The following CTSE variants were observed in gnomAD, a reference collection of about 807,000 sequenced individuals.
CTSE encodes the protein cathepsin E, also known as erythrocyte membrane aspartic proteinase.
CTSE carries 43 observed loss-of-function variants against 42.8 expected under a neutral mutation model. That is an observed-to-expected ratio of 1.01 (90% CI 0.79 to 1.30). The LOEUF is 1.30. Ranked by LOEUF, CTSE falls within the 50% of genes most tolerant of loss-of-function variation. The pLI is 0.00. For missense variants in CTSE, 532 were observed against 493.5 expected (o/e 1.08, Z -0.74); for synonymous variants, 205 against 191.5 (o/e 1.07, Z -0.58).
chr1:206,022,113 C>T (rs782459602), intron 3 of CTSE, 37 bp downstream of exon 3: 12 of 1,454,892 alleles, frequency 8.2e-6, no homozygotes, highest in Non-Finnish European at 1.1e-5. Flanking sequence ...GGACTAGCCC[C>T]CAGACATTCT....
At chr1:206,014,171 C>T in intron 5 of CTSE, 1 of 376,778 alleles carries the variant, frequency 2.7e-6, no homozygotes, top group Non-Finnish European at 4.9e-6. Flanking sequence ...GCCAGCAGGT[C>T]TGTCATTCAG....
Position 206,010,480 on chromosome 1 carries a change from T to C in CTSE, c.1027-133A>G, listed in dbSNP as rs1661062089. 6.7e-6 allele frequency: 5 copies of C among 744,490 alleles called. No individual in the cohort carries two copies. The South Asian group carries it at 8.0e-5, about 12-fold the overall frequency. 46.1% of individuals were successfully genotyped at this position (744,490 alleles called of 1,614,324 possible). ...CAGCTGGTGGGTTCCACCATTTTGGTCGGTGGGTTCTTCCTCCTGCTTCAT... is the reference window on the plus strand; with the variant it reads ...CAGCTGGTGGGTTCCACCATTTTGGCCGGTGGGTTCTTCCTCCTGCTTCAT... On this transcript the variant is annotated intron_variant, in intron 8 of 8. Coordinates refer to ENST00000358184, the MANE Select transcript of CTSE (RefSeq NM_001910.4).
At chr1:206,014,181 G>A (rs1164793570) in intron 5 of CTSE, 1 of 360,858 alleles carries the variant, frequency 2.8e-6, no homozygotes. Flanking sequence ...CTGTCATTCA[G>A]AACCAAGGCC....
intron 8 of CTSE, 106 bp downstream of exon 8, chr1:206,012,202 G>T: frequency 1.2e-6 from 1 of 866,208 alleles, no homozygotes; most frequent in Non-Finnish European, 1.8e-6. Context: ...ACAACGTGGG[G>T]CGGGGCTTAG....
At chr1:206,012,181 A>C (rs1057054869) in intron 8 of CTSE, 127 bp downstream of exon 8, 12 of 733,168 alleles carry the variant, frequency 1.6e-5, no homozygotes, top group Non-Finnish European at 2.3e-5. Context: ...GGAATGCCAC[A>C]TGAGAGCAGA....
chr1:206,009,998 AGTGT>A lies in CTSE; in HGVS notation c.*181_*184del. 5.1e-6 allele frequency: 3 copies of A among 587,008 alleles called. No homozygotes were observed. Among genetic ancestry groups the A allele is most frequent in the Non-Finnish European group, 6.1e-6 (2 of 329,912 alleles). 36.4% of individuals were successfully genotyped at this position (587,008 alleles called of 1,614,324 possible). A position where few individuals can be genotyped will look rare whatever the true frequency, so the allele number is the denominator to read the frequency against. On this transcript the variant is annotated 3_prime_UTR_variant, in exon 9 of 9. Transcript: ENST00000358184. Reference sequence around the variant, plus strand: ...TGGTGGGAGTGGTGTGTATGTGTGAAGTGTGTGTGTGTGTATATGTGTGTGTGTG... The same window carrying A: ...TGGTGGGAGTGGTGTGTATGTGTGAAGTGTGTGTGTATATGTGTGTGTGTG...
chr1:206,022,587 GA>G (rs1661472416), intron 2 of CTSE, among the ~76,000 whole-genome samples: 1 of 152,060 alleles, frequency 6.6e-6, no homozygotes, highest in Admixed American at 6.5e-5. Flanking sequence ...GGGGCTGGGA[GA>G]GGTTAAGTAA....
chr1:206,011,792 T>C (rs921871866), intron 8 of CTSE, among the ~76,000 whole-genome samples: 2 of 152,050 alleles, frequency 1.3e-5, no homozygotes, highest in African/African-American at 4.8e-5. Flanking sequence ...GTCTGGGAGT[T>C]CCCTTTCTAC....
intron 8 of CTSE, among the ~76,000 whole-genome samples, chr1:206,010,765 A>G (rs1402697247): frequency 6.6e-6 from 1 of 152,078 alleles, no homozygotes; most frequent in Non-Finnish European, 1.5e-5. Context: ...TAAGGGAGAG[A>G]AAGAACTGTG....
chr1:206,016,175 G>C (rs782138391), intron 4 of CTSE, 45 bp from the exon 5 acceptor site: 3 of 1,572,204 alleles, frequency 1.9e-6, no homozygotes, highest in Non-Finnish European at 8.7e-7. Flanking sequence ...TGGCACAGGG[G>C]ATTGCTGGCA....
chr1:206,022,188 A>T lies in CTSE; in HGVS notation c.305T>A (p.Leu102His), dbSNP rs1661457670. Residue 102 changes from leucine to histidine, a missense_variant, in exon 3 of 9, where the codon CTC (leucine) becomes CAC (histidine). Transcript: ENST00000358184. ...AGTGCAGTACACAGAGGGGACCCAG[A>T]GGTTGGAGGAGCCAGTGTCGAAGAT... is the stretch of plus-strand genomic sequence containing the variant. ...TVIFDTGSSN[L>H]WVPSVYCTSP... The T allele has an allele frequency of 6.2e-7, 1 of 1,612,572 alleles. No homozygotes were observed. Among genetic ancestry groups the T allele is most frequent in the Non-Finnish European group, 8.5e-7 (1 of 1,178,976 alleles).
At chr1:206,014,973 C>T (rs1661222166) in intron 5 of CTSE, among the ~76,000 whole-genome samples, 1 of 151,980 alleles carries the variant, frequency 6.6e-6, no homozygotes, top group Admixed American at 6.6e-5. Context: ...AGTGTGAACG[C>T]AGGCCAGGTC....
At chr1:206,016,732 A>G (rs907496844) in intron 4 of CTSE, among the ~76,000 whole-genome samples, 5 of 152,100 alleles carry the variant, frequency 3.3e-5, no homozygotes, top group African/African-American at 1.2e-4. Context: ...GTTCAACGCA[A>G]GTCAGATGAC....
intron 1 of CTSE, among the ~76,000 whole-genome samples, 193 bp downstream of exon 1, chr1:206,023,531 A>C (rs1474016383): frequency 6.6e-6 from 1 of 151,894 alleles, no homozygotes; most frequent in Non-Finnish European, 1.5e-5. Flanking sequence ...TGGAGGCAGG[A>C]GGATGACTTG....
chr1:206,019,680 A>G (rs1661356410), intron 4 of CTSE, among the ~76,000 whole-genome samples: 1 of 147,986 alleles, frequency 6.8e-6, no homozygotes, highest in Non-Finnish European at 1.5e-5. Context: ...ACTTTTATAT[A>G]TATATTATAT....
At chr1:206,015,781 T>C in intron 5 of CTSE, 150 bp downstream of exon 5, 1 of 672,856 alleles carries the variant, frequency 1.5e-6, no homozygotes, top group Non-Finnish European at 2.5e-6. Flanking sequence ...TTCCTCAATA[T>C]TCAGAGAGGT....
Position 206,021,085 on chromosome 1 carries a change from C to G in CTSE, c.426G>C (p.Gly142=). 1 of 1,613,482 alleles carries G rather than the reference C, an allele frequency of 6.2e-7. No individual in the cohort carries two copies. The highest frequency in any genetic ancestry group is 8.5e-7 in the Non-Finnish European group (1 of 1,179,462). ...CGGCTCCAATGATCCCGGACAAGCT[C>G]CCGGTTCCATACTGAATGGAGAAAG... ...GQSFSIQYGT[G]SLSGIIGADQ... is the part of the protein sequence containing the mutation. The change falls in exon 4 of 9, where the codon GGG becomes GGC. Residue 142 remains glycine (G), a synonymous_variant. Transcript: ENST00000358184.
chr1:206,022,082 A>G (rs1421110834), intron 3 of CTSE, 68 bp downstream of exon 3: 6 of 1,054,722 alleles, frequency 5.7e-6, no homozygotes, highest in Non-Finnish European at 6.8e-6. Flanking sequence ...CCTTCCCCAG[A>G]GTACCAGGCT....
intron 6 of CTSE, among the ~76,000 whole-genome samples, chr1:206,013,026 C>T (rs1238737552): frequency 6.6e-6 from 1 of 152,036 alleles, no homozygotes; most frequent in Non-Finnish European, 1.5e-5. Context: ...TGTCATGACC[C>T]ATAAATAGGT....
Sources: allele counts gnomAD v4.1 joint callset (sites outside exome capture counted in the v4.1 genomes callset), GRCh38; gene constraint gnomAD v4.1.1; transcripts MANE v1.5; gene names NCBI Gene and HGNC (gene_info 2026-07-23, HGNC 2026-07-21).